Variants in ARID5B observed in about 807,000 individuals in gnomAD.
The protein encoded by ARID5B is AT-rich interactive domain-containing protein 5B.
Under a neutral mutation model 97.2 loss-of-function variants are expected in ARID5B, and 13 were observed. That is an observed-to-expected ratio of 0.13 (90% CI 0.09 to 0.21). The LOEUF is 0.21. ARID5B is among the 10% of genes least tolerant of loss of function. The pLI, the probability that ARID5B is intolerant of heterozygous loss-of-function variation, is 1.00. For missense variants in ARID5B, 1,210 were observed against 1,465.3 expected (o/e 0.83, Z 2.84); for synonymous variants, 556 against 570.3 (o/e 0.97, Z 0.36).
At chr10:61,978,575 C>G in intron 3 of ARID5B, among the ~76,000 whole-genome samples, 1 of 152,208 alleles carries the variant, frequency 6.6e-6, no homozygotes, top group South Asian at 2.1e-4. Flanking sequence ...AGGTCCTTCA[C>G]ATCCCTTGTA....
intron 8 of ARID5B, among the ~76,000 whole-genome samples, chr10:62,080,125 C>T (rs980218451): frequency 6.6e-6 from 1 of 152,168 alleles, no homozygotes; most frequent in Non-Finnish European, 1.5e-5. Flanking sequence ...TTCATGTCAG[C>T]GTGGCTTCTT....
chr10:61,996,830 TC>T (rs1387416419), intron 3 of ARID5B, among the ~76,000 whole-genome samples: 2 of 151,658 alleles, frequency 1.3e-5, no homozygotes, highest in African/African-American at 4.8e-5. Flanking sequence ...GCTTCTTTGT[TC>T]TATGTACTGG....
Position 61,914,729 on chromosome 10 carries a change from A to G in ARID5B, c.276+12316A>G, listed in dbSNP as rs142356609. Among the ~76,000 whole-genome samples the G allele has an allele frequency of 4.5e-4, 68 of 152,328 alleles. 1 individual carries two copies. The highest frequency in any genetic ancestry group is 8.7e-4 in the Non-Finnish European group (59 of 68,028). ...TATGTCAGGCATTGCAAATACATTA[A>G]CATATAAATTAAATATAAATAAAAT... is the stretch of plus-strand genomic sequence containing the variant. On this transcript the variant is annotated intron_variant, in intron 2 of 9. Transcript: ENST00000279873.
chr10:62,071,022 A>G (rs560693134), intron 8 of ARID5B, among the ~76,000 whole-genome samples: 1 of 142,020 alleles, frequency 7.0e-6, no homozygotes, highest in African/African-American at 2.6e-5. Context: ...TCAAGGCTTC[A>G]TTCAGAACTT....
chr10:62,042,533 G>T (rs1393206942), intron 4 of ARID5B, among the ~76,000 whole-genome samples: 2 of 152,282 alleles, frequency 1.3e-5, no homozygotes, highest in East Asian at 3.9e-4. Context: ...TGCAGTATCA[G>T]CTCCTAGATA....
At chr10:61,948,556 C>T (rs1304842655) in intron 3 of ARID5B, among the ~76,000 whole-genome samples, 3 of 151,818 alleles carry the variant, frequency 2.0e-5, no homozygotes, top group Admixed American at 6.6e-5. Flanking sequence ...TTAGTAGAGA[C>T]GGGGCTTCAT....
At chr10:61,965,131 G>T (rs1019337891) in intron 3 of ARID5B, among the ~76,000 whole-genome samples, 7 of 152,148 alleles carry the variant, frequency 4.6e-5, no homozygotes, top group African/African-American at 1.7e-4. Flanking sequence ...CACACAAAAA[G>T]GTAAACATTG....
chr10:61,921,817 C>CT (rs1369470256), intron 2 of ARID5B, among the ~76,000 whole-genome samples: 3 of 151,944 alleles, frequency 2.0e-5, no homozygotes, highest in Non-Finnish European at 4.4e-5. Flanking sequence ...TACTTTTTTC[C>CT]TTTTTTCCCT....
intron 4 of ARID5B, among the ~76,000 whole-genome samples, chr10:62,010,266 G>T (rs544334687): frequency 8.5e-5 from 13 of 152,296 alleles, no homozygotes; most frequent in African/African-American, 2.9e-4. Context: ...CTGCTTCTAG[G>T]CTAAAAGAGT....
At chr10:62,024,697 C>A in intron 4 of ARID5B, 1 of 396,326 alleles carries the variant, frequency 2.5e-6, no homozygotes, top group South Asian at 1.3e-4. Flanking sequence ...TCCCATTGTT[C>A]TTACTAAGAA....
intron 2 of ARID5B, among the ~76,000 whole-genome samples, chr10:61,912,826 C>A (rs146938368): frequency 6.6e-6 from 1 of 152,068 alleles, no homozygotes; most frequent in Non-Finnish European, 1.5e-5. Context: ...AGTTACCCCC[C>A]AGTTGCTTGT....
intron 2 of ARID5B, among the ~76,000 whole-genome samples, chr10:61,936,306 C>A (rs1285584839): frequency 3.3e-5 from 5 of 152,194 alleles, no homozygotes; most frequent in African/African-American, 1.2e-4. Context: ...CAATGAAAAA[C>A]TTAATATACA....
intron 3 of ARID5B, among the ~76,000 whole-genome samples, chr10:61,950,298 G>C (rs897429634): frequency 6.6e-6 from 1 of 152,144 alleles, no homozygotes; most frequent in Non-Finnish European, 1.5e-5. Context: ...GAGCCACCAT[G>C]CCTGGCCCGG....
At chr10:61,996,870 A>T (rs1839004354) in intron 3 of ARID5B, among the ~76,000 whole-genome samples, 1 of 148,400 alleles carries the variant, frequency 6.7e-6, no homozygotes, top group Non-Finnish European at 1.5e-5. Context: ...AGAATTTTTT[A>T]AAAGTCTGAC....
intron 3 of ARID5B, among the ~76,000 whole-genome samples, chr10:61,978,845 C>G (rs1262644881): frequency 1.3e-5 from 2 of 152,124 alleles, no homozygotes; most frequent in Non-Finnish European, 1.5e-5. Flanking sequence ...AACTGAAAAC[C>G]CTTTATTTCT....
intron 8 of ARID5B, among the ~76,000 whole-genome samples, chr10:62,071,196 C>T (rs907086228): frequency 4.6e-5 from 7 of 152,028 alleles, no homozygotes; most frequent in African/African-American, 1.7e-4. Context: ...CTACCACGCC[C>T]AGCTAATTTT....
chr10:61,979,297 TG>T (rs1296721121), intron 3 of ARID5B, among the ~76,000 whole-genome samples: 4 of 152,202 alleles, frequency 2.6e-5, no homozygotes, highest in Non-Finnish European at 5.9e-5. Context: ...TAAATACTTG[TG>T]GCAAAGAAGA....
At chr10:62,083,873 T>G (rs1840248338) in intron 8 of ARID5B, among the ~76,000 whole-genome samples, 1 of 152,236 alleles carries the variant, frequency 6.6e-6, no homozygotes, top group Non-Finnish European at 1.5e-5. Flanking sequence ...TTGGGGACTT[T>G]ACAGATGAGA....
At chr10:61,932,527 C>G (rs1186694575) in intron 2 of ARID5B, among the ~76,000 whole-genome samples, 1 of 151,748 alleles carries the variant, frequency 6.6e-6, no homozygotes, top group African/African-American at 2.4e-5. Context: ...CCTTCCACCT[C>G]AGCCCCTGAG....
Sources: gnomAD v4.1 joint callset for allele counts (sites outside exome capture counted in the v4.1 genomes callset) on GRCh38, gnomAD v4.1.1 for gene constraint, MANE v1.5 for transcripts, NCBI Gene and HGNC (gene_info 2026-07-23, HGNC 2026-07-21) for gene names.